The following RAB3GAP2 variants were observed in gnomAD, a reference collection of about 807,000 sequenced individuals.
RAB3GAP2 encodes the protein RAB3 GTPase activating non-catalytic protein subunit 2.
Under a neutral mutation model 185.3 loss-of-function variants are expected in RAB3GAP2, and 87 were observed. The observed-to-expected ratio is 0.47, with a 90% CI of 0.39 to 0.56. The LOEUF (loss-of-function observed/expected upper bound fraction) is 0.56, where lower values mean the gene tolerates loss of function less well. Among genes scored for constraint, RAB3GAP2 ranks in the 20% least tolerant of loss-of-function variants. The pLI is 0.00. For missense variants in RAB3GAP2, 1,492 were observed against 1,638.2 expected, an observed-to-expected ratio of 0.91 and a Z score of 1.54; for synonymous variants, 554 against 576.1, an observed-to-expected ratio of 0.96 and a Z score of 0.55.
intron 33 of RAB3GAP2, among the ~76,000 whole-genome samples, chr1:220,152,856 C>T (rs1657788162): frequency 6.6e-6 from 1 of 152,106 alleles, no homozygotes; most frequent in Non-Finnish European, 1.5e-5. Context: ...ACACCCGGCC[C>T]TCTTTATTTT....
intron 1 of RAB3GAP2, among the ~76,000 whole-genome samples, chr1:220,259,557 T>A (rs1451558780): frequency 6.6e-6 from 1 of 152,308 alleles, no homozygotes; most frequent in African/African-American, 2.4e-5. Flanking sequence ...TCATCGAAAC[T>A]GGACCCCTTC....
intron 1 of RAB3GAP2, among the ~76,000 whole-genome samples, chr1:220,243,409 T>A (rs1413930406): frequency 1.3e-5 from 2 of 152,038 alleles, no homozygotes; most frequent in Non-Finnish European, 1.5e-5. Flanking sequence ...ACGCAAAGCA[T>A]TGCTCTAAGC....
intron 25 of RAB3GAP2, 37 bp from the exon 26 acceptor site, chr1:220,167,436 C>G (rs1400289115): frequency 6.2e-7 from 1 of 1,612,796 alleles, no homozygotes; most frequent in East Asian, 2.2e-5. Flanking sequence ...TTATTTTTTT[C>G]CTTAATGAAC....
chr1:220,160,511 AC>A (rs1368201274), intron 28 of RAB3GAP2, among the ~76,000 whole-genome samples: 1 of 152,202 alleles, frequency 6.6e-6, no homozygotes, highest in African/African-American at 2.4e-5. Context: ...CTGAGCCCTT[AC>A]CACATGTGCC....
chr1:220,214,213 C>G (rs1011271832), intron 2 of RAB3GAP2, among the ~76,000 whole-genome samples: 3 of 151,830 alleles, frequency 2.0e-5, no homozygotes, highest in Non-Finnish European at 2.9e-5. Flanking sequence ...TAAATATAAA[C>G]AAATATAAAC....
chr1:220,167,485 C>T lies in RAB3GAP2; in HGVS notation c.2980+17G>A, dbSNP rs1450440532. The T allele has an allele frequency of 3.1e-6, 5 of 1,613,952 alleles. No individual in the cohort carries two copies. Among genetic ancestry groups the T allele is most frequent in the Non-Finnish European group, 3.4e-6 (4 of 1,179,876 alleles). ...TTTCCAATTTGGATTTCATATTTCT[C>T]ATTATTTGTGTATCACCTGGTATGG... On this transcript the variant is annotated intron_variant, in intron 25 of 34. Coordinates refer to ENST00000358951, the MANE Select transcript of RAB3GAP2 (RefSeq NM_012414.4).
chr1:220,153,360 G>A lies in RAB3GAP2; in HGVS notation c.3692C>T (p.Ala1231Val), dbSNP rs758432723. 7 of 1,614,052 alleles carry A rather than the reference G, an allele frequency of 4.3e-6. No individual in the cohort carries two copies. Among genetic ancestry groups the A allele is most frequent in the African/African-American group, 1.3e-5 (1 of 74,922 alleles). The change falls in exon 33 of 35, where the codon GCC becomes GTC. Residue 1231 changes from alanine (A) to valine (V), a missense_variant. Transcript: ENST00000358951. ...TTCTGTGGGATCTTTGACCTTTGTG[G>A]CTGAATGTTGGGCCTGGACAGCTGC... Reference protein sequence around the residue: ...VSAAVQAQHSATKVKDPTEEA... With the variant: ...VSAAVQAQHSVTKVKDPTEEA...
rs529194564 is a variant in RAB3GAP2, at chr1:220,151,898, C to G, written c.3868-134G>C. 3.3e-5 allele frequency: 31 copies of G among 953,716 alleles called. No homozygotes were observed. In the Admixed American group the frequency reaches 6.6e-4, roughly 20 times the overall value. The allele number at this position is 953,716 out of a possible 1,614,324, so 59.1% of individuals were successfully genotyped here. ...CCATTTATCTTTTGATTGTATACAA[C>G]CAAAGATAAATCCAAATCAAACTTA... On this transcript the variant is annotated intron_variant, in intron 33 of 34. Coordinates refer to ENST00000358951, the MANE Select transcript of RAB3GAP2 (RefSeq NM_012414.4).
chr1:220,190,208 C>A, intron 15 of RAB3GAP2, 62 bp from the exon 16 acceptor site: 3 of 1,524,394 alleles, frequency 2.0e-6, no homozygotes, highest in Non-Finnish European at 2.7e-6. Context: ...CTAATTCTGA[C>A]ACACTCCAAC....
rs367780374 is a variant in RAB3GAP2, at chr1:220,195,394, T to A, written c.961-17A>T. On this transcript the variant is annotated splice_polypyrimidine_tract_variant and intron_variant, in intron 10 of 34. Transcript: ENST00000358951. ...TGTGCTTCCCTGAAAAACAGAACAT[T>A]TGAAAGAGAAAACTTAGTAGCTTAC... 8 of 1,592,208 alleles carry A rather than the reference T, an allele frequency of 5.0e-6. No homozygotes were observed. The African/African-American group carries it at 8.1e-5, about 16-fold the overall frequency.
At chr1:220,259,569 T>C (rs1242920374) in intron 1 of RAB3GAP2, among the ~76,000 whole-genome samples, 1 of 152,136 alleles carries the variant, frequency 6.6e-6, no homozygotes, top group Non-Finnish European at 1.5e-5. Flanking sequence ...GACCCCTTCC[T>C]TACAACATAT....
chr1:220,253,828 G>A (rs11545518), intron 1 of RAB3GAP2: 2 of 1,612,394 alleles, frequency 1.2e-6, no homozygotes. Flanking sequence ...GTATGCAGAG[G>A]GGAAGATGAG....
chr1:220,256,765 G>A (rs952073344), intron 1 of RAB3GAP2, among the ~76,000 whole-genome samples: 1 of 152,214 alleles, frequency 6.6e-6, no homozygotes, highest in East Asian at 1.9e-4. Flanking sequence ...AGTGCTTAGA[G>A]ACCTACAAAG....
At position 220,189,717 on chromosome 1, in the gene RAB3GAP2, C is replaced by T; in HGVS notation, c.1765G>A (p.Ala589Thr). The T allele has an allele frequency of 1.3e-6, 2 of 1,559,836 alleles. No individual in the cohort carries two copies. Among genetic ancestry groups the T allele is most frequent in the Non-Finnish European group, 8.8e-7 (1 of 1,140,156 alleles). Residue 589 changes from alanine (A) to threonine (T), a missense_variant, in exon 17 of 35, where the codon GCA becomes ACA. Coordinates refer to ENST00000358951, the MANE Select transcript of RAB3GAP2 (RefSeq NM_012414.4). ...TATACACTTACTTGTTTTTTGGTTG[C>T]AGGGTATTTAATATCAAGAATTAAT... ...KELILDIKYP[A>T]TKKQALESIL...
chr1:220,167,247 G>T, intron 26 of RAB3GAP2, 46 bp downstream of exon 26: 2 of 1,525,560 alleles, frequency 1.3e-6, no homozygotes, highest in Non-Finnish European at 1.8e-6. Context: ...TGAATAGCAT[G>T]AACACAGAAG....
chr1:220,221,002 G>A (rs73087829), intron 2 of RAB3GAP2, among the ~76,000 whole-genome samples: 9,357 of 152,204 alleles, frequency 0.061, 315 homozygotes, highest in African/African-American at 0.088. Context: ...GCTGCTGCTG[G>A]GCTAGGTGCA....
At chr1:220,184,006 T>C (rs1019846710) in intron 19 of RAB3GAP2, 30 bp downstream of exon 19, 53 of 1,434,898 alleles carry the variant, frequency 3.7e-5, no homozygotes, top group Non-Finnish European at 4.8e-5. Context: ...AGAGATTATT[T>C]TATATAATAT....
chr1:220,174,185 G>A (rs1322772711), intron 21 of RAB3GAP2, among the ~76,000 whole-genome samples: 2 of 151,936 alleles, frequency 1.3e-5, no homozygotes, highest in South Asian at 2.1e-4. Flanking sequence ...GTTCACATGT[G>A]TATGAGGATA....
At chr1:220,222,277 T>G (rs1316419042) in intron 2 of RAB3GAP2, among the ~76,000 whole-genome samples, 1 of 152,206 alleles carries the variant, frequency 6.6e-6, no homozygotes. Context: ...CTTTCTTTTT[T>G]TAGATAGCAG....
Sources: gnomAD v4.1 joint callset for allele counts (sites outside exome capture counted in the v4.1 genomes callset) on GRCh38, gnomAD v4.1.1 for gene constraint, MANE v1.5 for transcripts, NCBI Gene and HGNC (gene_info 2026-07-23, HGNC 2026-07-21) for gene names.